The following EPM2A variants were observed in gnomAD, a reference collection of about 807,000 sequenced individuals.
The protein encoded by EPM2A is laforin.
A neutral mutation model predicts 26.5 loss-of-function variants in EPM2A; 21 were observed. The ratio of observed to expected loss-of-function variants is 0.79; its 90% CI spans 0.56 to 1.14. The LOEUF is 1.14. Among genes scored for constraint, EPM2A ranks in the 50% most tolerant of loss-of-function variants. EPM2A has a pLI of 0.00. For synonymous variants in EPM2A, 217 were observed against 177.6 expected, an observed-to-expected ratio of 1.22 and a Z score of -1.76; for missense variants, 458 against 440.8, an observed-to-expected ratio of 1.04 and a Z score of -0.35.
intron 2 of EPM2A, among the ~76,000 whole-genome samples, chr6:145,596,197 A>G (rs1781341677): frequency 6.6e-6 from 1 of 152,222 alleles, no homozygotes; most frequent in Non-Finnish European, 1.5e-5. Flanking sequence ...ACACTTTGCT[A>G]AACTACACTA....
exon 5 of EPM2A, chr6:145,383,783 G>C (rs1422147096): frequency 6.6e-6 from 1 of 152,106 alleles, no homozygotes; most frequent in African/African-American, 2.4e-5. Context: ...TTCAACTTTT[G>C]TCTAGTCAAA....
chr6:145,590,270 A>G (rs1312740659), intron 2 of EPM2A, among the ~76,000 whole-genome samples: 2 of 152,002 alleles, frequency 1.3e-5, no homozygotes, highest in East Asian at 3.9e-4. Flanking sequence ...AACTCCCCTC[A>G]CAATTCTGTC....
Position 145,579,972 on chromosome 6 carries a change from T to C in EPM2A, c.340+55273A>G, listed in dbSNP as rs527883348. ...ATACTAACATTATAATAGCATACTT[T>C]CATTTCTCTTGTGTTTACCTTAAAG... On this transcript the variant is annotated intron_variant, in intron 2 of 3. Coordinates refer to the EPM2A transcript ENST00000450221. 2.6e-5 allele frequency among the ~76,000 whole-genome samples: 4 copies of C among 152,304 alleles called. No individual in the cohort carries two copies. The East Asian group carries it at 7.7e-4, about 29-fold the overall frequency.
At chr6:145,673,423 T>C (rs1779794494) in intron 2 of EPM2A, among the ~76,000 whole-genome samples, 2 of 152,130 alleles carry the variant, frequency 1.3e-5, no homozygotes, top group Non-Finnish European at 2.9e-5. Context: ...CTGGGACTGG[T>C]TGGACAGTGG....
intron 2 of EPM2A, among the ~76,000 whole-genome samples, chr6:145,575,945 C>T (rs1168735242): frequency 1.3e-5 from 2 of 152,210 alleles, no homozygotes; most frequent in East Asian, 3.9e-4. Flanking sequence ...AAGTGATTAT[C>T]CTGCCTCAGC....
At chr6:145,534,969 G>A (rs1370833887) in intron 2 of EPM2A, among the ~76,000 whole-genome samples, 2 of 152,156 alleles carry the variant, frequency 1.3e-5, no homozygotes. Context: ...CACTAACAGA[G>A]CAGGCACATG....
intron 4 of EPM2A, among the ~76,000 whole-genome samples, chr6:145,427,243 G>C (rs577065752): frequency 2.6e-4 from 40 of 152,172 alleles, no homozygotes; most frequent in Non-Finnish European, 4.9e-4. Context: ...GAGAGATATG[G>C]TAGGTGGAAT....
chr6:145,591,775 A>C (rs972297038), intron 2 of EPM2A, among the ~76,000 whole-genome samples: 2 of 152,092 alleles, frequency 1.3e-5, no homozygotes, highest in African/African-American at 4.8e-5. Context: ...TGTTAAGGTA[A>C]AATAAAATAT....
At chr6:145,539,947 A>G (rs949467564) in intron 2 of EPM2A, among the ~76,000 whole-genome samples, 8 of 152,172 alleles carry the variant, frequency 5.3e-5, no homozygotes, top group Non-Finnish European at 1.2e-4. Flanking sequence ...AGGGCCAGGG[A>G]TTAGGCAACT....
intron 1 of EPM2A, among the ~76,000 whole-genome samples, chr6:145,702,476 GA>G (rs1781972353): frequency 6.6e-6 from 1 of 150,762 alleles, no homozygotes; most frequent in East Asian, 1.9e-4. Context: ...GCAAAAAGAA[GA>G]AAAAAAGAAA....
At chr6:145,586,469 C>T (rs1291667356) in intron 2 of EPM2A, among the ~76,000 whole-genome samples, 1 of 152,116 alleles carries the variant, frequency 6.6e-6, no homozygotes, top group African/African-American at 2.4e-5. Context: ...TAGCAGGATA[C>T]TGTCAATATC....
chr6:145,670,181 G>A (rs1779542295), intron 2 of EPM2A, among the ~76,000 whole-genome samples: 1 of 151,874 alleles, frequency 6.6e-6, no homozygotes, highest in South Asian at 2.1e-4. Flanking sequence ...TTCTGCTATG[G>A]CTCCCACCTT....
chr6:145,487,494 G>A (rs997802703), intron 4 of EPM2A, among the ~76,000 whole-genome samples: 6 of 152,012 alleles, frequency 3.9e-5, no homozygotes, highest in East Asian at 3.9e-4. Flanking sequence ...CTGCAACATC[G>A]CCAGCATCTG....
chr6:145,555,138 A>G (rs2114808246), intron 2 of EPM2A, among the ~76,000 whole-genome samples: 1 of 152,284 alleles, frequency 6.6e-6, no homozygotes, highest in East Asian at 1.9e-4. Context: ...TCTGCTTCAC[A>G]GGATCCTTGA....
intron 2 of EPM2A, chr6:145,639,702 A>G (rs1403990706): frequency 1.3e-5 from 2 of 152,186 alleles, no homozygotes; most frequent in Non-Finnish European, 2.9e-5. Flanking sequence ...CAAGACTACA[A>G]ATAATTCCTA....
chr6:145,398,579 A>G (rs1778438639), intron 4 of EPM2A, among the ~76,000 whole-genome samples: 1 of 152,270 alleles, frequency 6.6e-6, no homozygotes, highest in East Asian at 1.9e-4. Flanking sequence ...TGCCATTAAT[A>G]ATACCTGTCA....
chr6:145,709,968 A>G (rs9497398), intron 1 of EPM2A, among the ~76,000 whole-genome samples: 95,875 of 152,004 alleles, frequency 0.63, 30,718 homozygotes, highest in East Asian at 0.74. Flanking sequence ...AAATTAATTC[A>G]AGATGGATTA....
chr6:145,595,046 A>T (rs1308267845), intron 2 of EPM2A, among the ~76,000 whole-genome samples: 4 of 151,752 alleles, frequency 2.6e-5, no homozygotes, highest in Non-Finnish European at 5.9e-5. Context: ...CATACTTTTT[A>T]AAATGTTTTT....
At chr6:145,420,897 C>T (rs1287786101) in intron 4 of EPM2A, among the ~76,000 whole-genome samples, 1 of 151,810 alleles carries the variant, frequency 6.6e-6, no homozygotes, top group African/African-American at 2.4e-5. Context: ...AAACGCACTC[C>T]CAAGATAACT....
Sources: allele counts gnomAD v4.1 joint callset (sites outside exome capture counted in the v4.1 genomes callset), GRCh38; gene constraint gnomAD v4.1.1; transcripts MANE v1.5; gene names NCBI Gene and HGNC (gene_info 2026-07-23, HGNC 2026-07-21).